The following OTUD7B variants were observed in gnomAD, a reference collection of about 807,000 sequenced individuals.
OTUD7B encodes the protein OTU domain-containing protein 7B.
Under a neutral mutation model 82.2 loss-of-function variants are expected in OTUD7B, and 34 were observed. That is an observed-to-expected ratio of 0.41 (90% CI 0.31 to 0.55). The LOEUF is 0.55. Ranked by LOEUF, OTUD7B falls within the 20% of genes least tolerant of loss-of-function variation. The pLI is 0.20. For missense variants in OTUD7B, 944 were observed against 1,062.1 expected, an observed-to-expected ratio of 0.89 and a Z score of 1.55; for synonymous variants, 398 against 402.7, an observed-to-expected ratio of 0.99 and a Z score of 0.14.
chr1:150,045,258 AT>A, the OTUD7B span, among the ~76,000 whole-genome samples: 1 of 151,184 alleles, frequency 6.6e-6, no homozygotes. Context: ...TGACCGGCTA[AT>A]TTTTTTGTAT....
intron 2 of OTUD7B, among the ~76,000 whole-genome samples, chr1:149,974,568 T>TG (rs1205897204): frequency 0.79 from 94,170 of 119,572 alleles, 38,030 homozygotes; most frequent in Middle Eastern, 0.88. Context: ...TTTTTTTTTG[T>TG]AGACAGAGTC....
chr1:150,032,226 C>T, the OTUD7B span, among the ~76,000 whole-genome samples: 2 of 151,680 alleles, frequency 1.3e-5, no homozygotes, highest in African/African-American at 4.8e-5. Context: ...GCAGGAGAAT[C>T]GCTTGAACCC....
At chr1:150,020,816 T>C in the OTUD7B span, among the ~76,000 whole-genome samples, 1 of 152,252 alleles carries the variant, frequency 6.6e-6, no homozygotes, top group Admixed American at 6.5e-5. Flanking sequence ...TAATTATCTG[T>C]GTCTGAAATC....
the OTUD7B span, among the ~76,000 whole-genome samples, chr1:150,018,792 G>C: frequency 6.6e-6 from 1 of 152,154 alleles, no homozygotes; most frequent in African/African-American, 2.4e-5. Flanking sequence ...GGAGCTGAAA[G>C]GGCTGAGTCT....
the OTUD7B span, among the ~76,000 whole-genome samples, chr1:150,017,155 C>T: frequency 6.6e-6 from 1 of 152,204 alleles, no homozygotes; most frequent in Admixed American, 6.5e-5. Context: ...AGTTTAGTGA[C>T]ACCATCTTAC....
At chr1:149,999,709 TAAAC>T (rs1434760915) in intron 1 of OTUD7B, among the ~76,000 whole-genome samples, 2 of 152,128 alleles carry the variant, frequency 1.3e-5, no homozygotes, top group African/African-American at 4.8e-5. Context: ...AATAAATAAA[TAAAC>T]AAACTACATT....
At chr1:150,008,993 T>G (rs999854595) in intron 1 of OTUD7B, among the ~76,000 whole-genome samples, 1 of 152,206 alleles carries the variant, frequency 6.6e-6, no homozygotes, top group Non-Finnish European at 1.5e-5. Flanking sequence ...TCAAGTTCAT[T>G]TATTTTACAG....
chr1:149,955,244 T>A (rs1648582741), intron 7 of OTUD7B, among the ~76,000 whole-genome samples: 1 of 152,226 alleles, frequency 6.6e-6, no homozygotes, highest in African/African-American at 2.4e-5. Context: ...ATGTTGTGTC[T>A]TTGTTCTCAT....
rs1553771238 is a variant in OTUD7B, at chr1:149,944,193, T to G, written c.2196A>C (p.Arg732Ser). 2 of 1,613,686 alleles carry G rather than the reference T, an allele frequency of 1.2e-6. 1 individual carries two copies. The highest frequency in any genetic ancestry group is 1.7e-6 in the Non-Finnish European group (2 of 1,179,740). ...GGLPPYATFP[R>S]QCPPGRPYPH... ...GGTAGGGTCGCCCAGGAGGGCACTG[T>G]CTGGGGAAGGTGGCATATGGTGGTA... is the stretch of plus-strand genomic sequence containing the variant. Residue 732 changes from arginine to serine, a missense_variant, in exon 12 of 12, where the codon AGA (arginine) becomes AGC (serine). Arg to Ser is a moderately radical substitution (Grantham distance 110). Coordinates refer to ENST00000581312, the MANE Select transcript of OTUD7B (RefSeq NM_020205.4).
chr1:150,035,836 A>G, the OTUD7B span, among the ~76,000 whole-genome samples: 1 of 152,178 alleles, frequency 6.6e-6, no homozygotes, highest in East Asian at 1.9e-4. Flanking sequence ...GTTCAAAGTC[A>G]GTATCTTTTA....
At chr1:150,008,466 G>A (rs1553786625) in intron 1 of OTUD7B, among the ~76,000 whole-genome samples, 1 of 152,104 alleles carries the variant, frequency 6.6e-6, no homozygotes, top group Admixed American at 6.5e-5. Context: ...GCAACATAAG[G>A]CCACTAAAGG....
At chr1:149,950,254 G>A in intron 7 of OTUD7B, 33 bp from the exon 8 acceptor site, 2 of 1,610,656 alleles carry the variant, frequency 1.2e-6, no homozygotes, top group Non-Finnish European at 1.7e-6. Flanking sequence ...AGTGAAAAGG[G>A]TGCAGTAAAA....
chr1:149,942,844 AAAAAAAAGTCAAT>A lies in OTUD7B; in HGVS notation c.*1000_*1012del, dbSNP rs1391412554. The A allele has an allele frequency of 3.3e-5, 5 of 152,492 alleles. No homozygotes were observed. Among genetic ancestry groups the A allele is most frequent in the Non-Finnish European group, 7.4e-5 (5 of 68,020 alleles). The allele number at this position is 152,492 out of a possible 1,614,324, so 9.4% of individuals were successfully genotyped here. On this transcript the variant is annotated 3_prime_UTR_variant, in exon 12 of 12. Coordinates refer to ENST00000581312, the MANE Select transcript of OTUD7B (RefSeq NM_020205.4). Reference sequence around the variant, plus strand: ...GGGTCTTTTTATTTCTTTTCCTTAAAAAAAAAAGTCAATAAAATAAGTTGCTTTCTACAGAAAC... The same window carrying A: ...GGGTCTTTTTATTTCTTTTCCTTAAAAAAATAAGTTGCTTTCTACAGAAAC...
intron 1 of OTUD7B, among the ~76,000 whole-genome samples, chr1:150,005,359 G>A (rs1248471400): frequency 6.6e-6 from 1 of 152,088 alleles, no homozygotes; most frequent in Non-Finnish European, 1.5e-5. Flanking sequence ...ATTTCTTAGA[G>A]GAAATAAAGG....
the OTUD7B span, among the ~76,000 whole-genome samples, chr1:150,064,805 C>A: frequency 6.6e-6 from 1 of 152,092 alleles, no homozygotes; most frequent in East Asian, 1.9e-4. Context: ...CATGAAGCAA[C>A]AAGGATTATA....
At chr1:149,953,592 T>C (rs892368802) in intron 7 of OTUD7B, among the ~76,000 whole-genome samples, 2 of 152,164 alleles carry the variant, frequency 1.3e-5, no homozygotes, top group East Asian at 3.9e-4. Context: ...AAGAAAGTCA[T>C]TGGTGGTTTG....
At chr1:149,963,243 C>A in intron 6 of OTUD7B, 1 of 150,714 alleles carries the variant, frequency 6.6e-6, no homozygotes, top group African/African-American at 2.5e-5. Context: ...TACTAAATGC[C>A]AGAAAGATCC....
intron 7 of OTUD7B, 104 bp downstream of exon 7, chr1:149,959,580 T>A: frequency 1.4e-6 from 1 of 731,834 alleles, no homozygotes; most frequent in Non-Finnish European, 2.4e-6. Context: ...TTCCCCTCTT[T>A]CCTTCTAATA....
chr1:149,958,347 A>C (rs1553774978), intron 7 of OTUD7B, among the ~76,000 whole-genome samples: 1 of 3,440 alleles, frequency 2.9e-4, no homozygotes, highest in Non-Finnish European at 7.1e-4. Context: ...TTTTTTTTTG[A>C]AATGGAGTCT....
Sources: allele counts gnomAD v4.1 joint callset (sites outside exome capture counted in the v4.1 genomes callset), GRCh38; gene constraint gnomAD v4.1.1; transcripts MANE v1.5; gene names NCBI Gene and HGNC (gene_info 2026-07-23, HGNC 2026-07-21).